The following ROBO1 variants were observed in gnomAD, a reference collection of about 807,000 sequenced individuals.
ROBO1 encodes the protein roundabout homolog 1.
In ROBO1, 149 loss-of-function variants were observed where a neutral mutation model predicts 195.9. The ratio of observed to expected loss-of-function variants is 0.76; its 90% CI spans 0.67 to 0.87. ROBO1 has a LOEUF of 0.87. Ranked by LOEUF, ROBO1 falls within the 40% of genes least tolerant of loss-of-function variation. The pLI, the probability that ROBO1 is intolerant of heterozygous loss-of-function variation, is 0.00. For missense variants in ROBO1, 1,933 were observed against 2,068.3 expected, an observed-to-expected ratio of 0.93 and a Z score of 1.27; for synonymous variants, 816 against 733.2, an observed-to-expected ratio of 1.11 and a Z score of -1.82.
chr3:79,523,161 CCACACACA>C (rs139825740), intron 2 of ROBO1, among the ~76,000 whole-genome samples: 4,690 of 146,292 alleles, frequency 0.032, 248 homozygotes, highest in African/African-American at 0.11. Context: ...GCTTCATAAA[CCACACACA>C]CACACACACA....
At chr3:79,057,896 G>A (rs1388838795) in intron 3 of ROBO1, among the ~76,000 whole-genome samples, 2 of 151,948 alleles carry the variant, frequency 1.3e-5, no homozygotes, top group Non-Finnish European at 2.9e-5. Context: ...GGAGAAGAAG[G>A]CCCTGCATTT....
intron 3 of ROBO1, chr3:79,019,380 G>A (rs1303293617): frequency 1.0e-6 from 1 of 985,850 alleles, no homozygotes; most frequent in Non-Finnish European, 1.2e-6. Context: ...AGAGACGGCC[G>A]CCGCGGCTCA....
At chr3:79,174,243 C>T (rs2081223928) in intron 2 of ROBO1, among the ~76,000 whole-genome samples, 1 of 152,084 alleles carries the variant, frequency 6.6e-6, no homozygotes, top group Non-Finnish European at 1.5e-5. Flanking sequence ...CTGCGAAGGT[C>T]TGCAGCTTCA....
At chr3:79,748,085 T>C (rs1158747825) in intron 1 of ROBO1, among the ~76,000 whole-genome samples, 1 of 152,126 alleles carries the variant, frequency 6.6e-6, no homozygotes, top group Non-Finnish European at 1.5e-5. Context: ...TAAAGTATAT[T>C]GGTACTTCCA....
At chr3:78,972,866 T>A (rs900822551) in intron 3 of ROBO1, among the ~76,000 whole-genome samples, 1 of 152,196 alleles carries the variant, frequency 6.6e-6, no homozygotes, top group Admixed American at 6.5e-5. Flanking sequence ...ACTGGAATCC[T>A]TCCTGGGATT....
At chr3:79,152,255 G>A (rs527374249) in intron 2 of ROBO1, among the ~76,000 whole-genome samples, 1 of 151,822 alleles carries the variant, frequency 6.6e-6, no homozygotes, top group Non-Finnish European at 1.5e-5. Context: ...TGTTTAAGGT[G>A]ATCTCTTCAT....
chr3:78,777,302 T>G, intron 4 of ROBO1, among the ~76,000 whole-genome samples: 1 of 152,304 alleles, frequency 6.6e-6, no homozygotes, highest in African/African-American at 2.4e-5. Flanking sequence ...CAGAGGAAGG[T>G]TCAAAGACAG....
chr3:78,707,949 T>C (rs1402948882), intron 8 of ROBO1, among the ~76,000 whole-genome samples: 1 of 152,164 alleles, frequency 6.6e-6, no homozygotes, highest in Non-Finnish European at 1.5e-5. Flanking sequence ...GGTGATGGCT[T>C]GGGAAATGGT....
At chr3:78,957,929 C>T (rs1560047892) in intron 3 of ROBO1, among the ~76,000 whole-genome samples, 2 of 152,214 alleles carry the variant, frequency 1.3e-5, no homozygotes, top group South Asian at 2.1e-4. Flanking sequence ...AATATACTTT[C>T]TTCCCACTCA....
chr3:79,294,518 C>T (rs933628035), intron 2 of ROBO1, among the ~76,000 whole-genome samples: 1 of 152,080 alleles, frequency 6.6e-6, no homozygotes, highest in East Asian at 1.9e-4. Context: ...CTAGGCAGTA[C>T]CATTCAGGAC....
At chr3:79,300,436 G>C (rs1437504529) in intron 2 of ROBO1, among the ~76,000 whole-genome samples, 1 of 152,208 alleles carries the variant, frequency 6.6e-6, no homozygotes, top group Non-Finnish European at 1.5e-5. Context: ...ATTTCTCACT[G>C]GGCGTTAGCT....
chr3:79,340,273 G>C (rs2034856258), intron 2 of ROBO1, among the ~76,000 whole-genome samples: 1 of 152,172 alleles, frequency 6.6e-6, no homozygotes, highest in Admixed American at 6.5e-5. Context: ...ATTCCAGCCT[G>C]CTTTATACCA....
chr3:78,969,089 A>T (rs2076709350), intron 3 of ROBO1, among the ~76,000 whole-genome samples: 1 of 152,174 alleles, frequency 6.6e-6, no homozygotes, highest in South Asian at 2.1e-4. Flanking sequence ...GGATCCCAAA[A>T]CCTTATTGCA....
intron 2 of ROBO1, among the ~76,000 whole-genome samples, chr3:79,335,739 C>T (rs2034640196): frequency 1.3e-5 from 2 of 152,098 alleles, no homozygotes; most frequent in Admixed American, 6.5e-5. Flanking sequence ...ATAAAGATAC[C>T]TGAAAATGTG....
At chr3:78,910,874 T>C (rs968223518) in intron 4 of ROBO1, among the ~76,000 whole-genome samples, 1 of 151,990 alleles carries the variant, frequency 6.6e-6, no homozygotes, top group Non-Finnish European at 1.5e-5. Flanking sequence ...ACCAGCTACA[T>C]GGGCAATACT....
intron 4 of ROBO1, among the ~76,000 whole-genome samples, chr3:78,763,013 A>C (rs1206891083): frequency 2.0e-5 from 3 of 152,160 alleles, no homozygotes; most frequent in African/African-American, 7.2e-5. Flanking sequence ...GATGTGACAC[A>C]AGAGACAAGC....
At chr3:79,491,254 T>G (rs978823169) in intron 2 of ROBO1, among the ~76,000 whole-genome samples, 7 of 151,238 alleles carry the variant, frequency 4.6e-5, no homozygotes, top group African/African-American at 1.7e-4. Flanking sequence ...TTTAACTTCT[T>G]GCCTATACTA....
chr3:78,943,869 T>C (rs1412390793), intron 3 of ROBO1, among the ~76,000 whole-genome samples: 1 of 152,214 alleles, frequency 6.6e-6, no homozygotes, highest in East Asian at 1.9e-4. Flanking sequence ...ACATTTCTCA[T>C]AATGTATAAC....
chr3:78,700,407 A>C (rs985579009), intron 8 of ROBO1, among the ~76,000 whole-genome samples: 1 of 152,202 alleles, frequency 6.6e-6, no homozygotes, highest in Non-Finnish European at 1.5e-5. Context: ...CTATCTTTAA[A>C]TGGCATATTT....
Sources: allele counts gnomAD v4.1 joint callset (sites outside exome capture counted in the v4.1 genomes callset), GRCh38; gene constraint gnomAD v4.1.1; transcripts MANE v1.5; gene names NCBI Gene and HGNC (gene_info 2026-07-23, HGNC 2026-07-21).